The following NARS2 variants were observed in gnomAD, a reference collection of about 807,000 sequenced individuals.
The protein encoded by NARS2 is asparaginyl-tRNA synthetase.
A neutral mutation model predicts 62.9 loss-of-function variants in NARS2; 60 were observed. The ratio of observed to expected loss-of-function variants is 0.95; its 90% CI spans 0.77 to 1.18. The LOEUF is 1.18. Ranked by LOEUF, NARS2 falls within the 50% of genes most tolerant of loss-of-function variation. NARS2 has a pLI of 0.00. For missense variants in NARS2, 619 were observed against 576.4 expected (o/e 1.07, Z -0.76); for synonymous variants, 196 against 200.0 (o/e 0.98, Z 0.17).
chr11:78,568,574 C>G, intron 3 of NARS2, 58 bp downstream of exon 3: 1 of 1,557,560 alleles, frequency 6.4e-7, no homozygotes, highest in Non-Finnish European at 8.7e-7. Context: ...ACACTTAAAA[C>G]AGATTGCTGT....
intron 5 of NARS2, among the ~76,000 whole-genome samples, chr11:78,531,745 A>T (rs1225450472): frequency 1.3e-5 from 2 of 152,242 alleles, no homozygotes; most frequent in Non-Finnish European, 1.5e-5. Flanking sequence ...TAAAACATAG[A>T]TGAACAATGA....
chr11:78,518,872 T>C (rs748395856), intron 6 of NARS2, among the ~76,000 whole-genome samples: 2 of 152,158 alleles, frequency 1.3e-5, no homozygotes, highest in Non-Finnish European at 2.9e-5. Context: ...CAGAAAAAGA[T>C]AAAAATAATT....
intron 6 of NARS2, among the ~76,000 whole-genome samples, chr11:78,496,742 T>C (rs1860074844): frequency 6.6e-6 from 1 of 152,192 alleles, no homozygotes; most frequent in Non-Finnish European, 1.5e-5. Context: ...GAATGATATA[T>C]TCTCGTCAAT....
At chr11:78,546,931 A>G (rs116408139) in intron 5 of NARS2, among the ~76,000 whole-genome samples, 1,644 of 152,316 alleles carry the variant, frequency 0.011, 35 homozygotes, top group African/African-American at 0.039. Context: ...TGATGCAACA[A>G]TTCTGTATAT....
chr11:78,566,234 C>A lies in NARS2; in HGVS notation c.411G>T (p.Glu137Asp). ...TAAAGTGAGGATATTGTCGCAGATA[C>A]TCCAGAGGATGCCTCTCTTTATATT... The part of the protein sequence containing the change: ...PIKYKERHPL[E>D]YLRQYPHFRC... The change falls in exon 4 of 14, where the codon GAG (glutamate) becomes GAT (aspartate). Residue 137 changes from glutamate to aspartate, a missense_variant. Coordinates refer to ENST00000281038, the MANE Select transcript of NARS2 (RefSeq NM_024678.6). The A allele has an allele frequency of 2.5e-6, 4 of 1,608,444 alleles. No homozygotes were observed. Among genetic ancestry groups the A allele is most frequent in the Non-Finnish European group, 3.4e-6 (4 of 1,176,704 alleles).
intron 11 of NARS2, among the ~76,000 whole-genome samples, chr11:78,451,535 G>A (rs183911351): frequency 2.5e-4 from 38 of 152,260 alleles, no homozygotes; most frequent in Admixed American, 4.6e-4. Context: ...TGGCATTTGC[G>A]GGTGATGACA....
chr11:78,545,797 C>G (rs1027369608), intron 5 of NARS2, among the ~76,000 whole-genome samples: 2 of 152,114 alleles, frequency 1.3e-5, no homozygotes, highest in Non-Finnish European at 2.9e-5. Flanking sequence ...CTTGGCCTAC[C>G]AACGTGCTGG....
At chr11:78,507,581 G>A (rs1158360796) in intron 6 of NARS2, among the ~76,000 whole-genome samples, 3 of 150,322 alleles carry the variant, frequency 2.0e-5, no homozygotes, top group Non-Finnish European at 4.4e-5. Flanking sequence ...GTGCAGGGGC[G>A]CAATCTCTGC....
At chr11:78,436,956 G>A (rs1040629535) in intron 13 of NARS2, 142 bp from the exon 14 acceptor site, 3 of 768,838 alleles carry the variant, frequency 3.9e-6, no homozygotes, top group Admixed American at 2.8e-5. Flanking sequence ...CCCCTCCACA[G>A]ACAGACAATG....
At chr11:78,485,049 T>C (rs541974415) in intron 7 of NARS2, among the ~76,000 whole-genome samples, 7 of 152,314 alleles carry the variant, frequency 4.6e-5, no homozygotes, top group African/African-American at 1.4e-4. Flanking sequence ...TGGAATACCA[T>C]GCAGCCATAA....
chr11:78,460,883 T>C (rs967119766), intron 11 of NARS2, among the ~76,000 whole-genome samples: 15 of 152,244 alleles, frequency 9.9e-5, no homozygotes, highest in Non-Finnish European at 4.4e-5. Flanking sequence ...GATGGTTGTA[T>C]CTGTAACTAA....
At chr11:78,495,722 T>C (rs776207633) in intron 6 of NARS2, among the ~76,000 whole-genome samples, 5 of 152,144 alleles carry the variant, frequency 3.3e-5, no homozygotes, top group African/African-American at 4.8e-5. Context: ...ACGCCCTCAG[T>C]ACCTAAAAGG....
chr11:78,550,585 T>A (rs987333707), intron 5 of NARS2, among the ~76,000 whole-genome samples: 1 of 152,196 alleles, frequency 6.6e-6, no homozygotes, highest in Non-Finnish European at 1.5e-5. Context: ...CCCATTAGTA[T>A]GATTATAATC....
At chr11:78,444,518 C>A (rs371284772) in intron 11 of NARS2, among the ~76,000 whole-genome samples, 1 of 151,942 alleles carries the variant, frequency 6.6e-6, no homozygotes, top group African/African-American at 2.4e-5. Flanking sequence ...GAGTTCAAGA[C>A]CACCTTGGGG....
rs114860879 is a variant in NARS2, at chr11:78,573,789, A to G, written c.141+559T>C. On this transcript the variant is annotated intron_variant, in intron 1 of 13. Transcript: ENST00000281038. Reference sequence around the variant, plus strand: ...GAGGAAAATAAGGTGTAGAACGCATAAACGCTATGCAGAGATTTAAACCTA... The same window carrying G: ...GAGGAAAATAAGGTGTAGAACGCATGAACGCTATGCAGAGATTTAAACCTA... Among the ~76,000 whole-genome samples, 580 of 152,306 alleles carry G rather than the reference A, an allele frequency of 3.8e-3. 4 individuals are homozygous for G. The highest frequency in any genetic ancestry group is 0.017 in the Middle Eastern group (5 of 294).
intron 5 of NARS2, among the ~76,000 whole-genome samples, chr11:78,538,982 G>A (rs960652544): frequency 1.7e-4 from 15 of 90,120 alleles, no homozygotes; most frequent in Admixed American, 1.4e-3. Flanking sequence ...GCGACAGAGC[G>A]AGAATCCGTC....
chr11:78,516,074 T>C (rs866722192), intron 6 of NARS2, among the ~76,000 whole-genome samples: 4 of 152,218 alleles, frequency 2.6e-5, no homozygotes, highest in Non-Finnish European at 5.9e-5. Context: ...TAAAGGTTTA[T>C]AAAAGATTCT....
At chr11:78,445,077 A>G (rs916201980) in intron 11 of NARS2, among the ~76,000 whole-genome samples, 1 of 152,216 alleles carries the variant, frequency 6.6e-6, no homozygotes, top group African/African-American at 2.4e-5. Context: ...TAGAAAAAAG[A>G]CTATCATCTA....
chr11:78,504,599 T>C (rs762228168), intron 6 of NARS2, among the ~76,000 whole-genome samples: 2 of 152,328 alleles, frequency 1.3e-5, no homozygotes, highest in East Asian at 1.9e-4. Context: ...ATGACTGAAT[T>C]TATTGGCAAT....
Sources: gnomAD v4.1 joint callset for allele counts (sites outside exome capture counted in the v4.1 genomes callset) on GRCh38, gnomAD v4.1.1 for gene constraint, MANE v1.5 for transcripts, NCBI Gene and HGNC (gene_info 2026-07-23, HGNC 2026-07-21) for gene names.